Variants in MLLT3 observed in about 807,000 individuals in gnomAD.
The protein encoded by MLLT3 is protein AF-9.
In MLLT3, 4 loss-of-function variants were observed where a neutral mutation model predicts 53.2. The observed-to-expected ratio is 0.08, with a 90% CI of 0.04 to 0.17. The LOEUF (loss-of-function observed/expected upper bound fraction) is 0.17. Among genes scored for constraint, MLLT3 ranks in the 10% least tolerant of loss-of-function variants. MLLT3 has a pLI of 1.00. For synonymous variants in MLLT3, 283 were observed against 230.6 expected, an observed-to-expected ratio of 1.23 and a Z score of -2.06; for missense variants, 569 against 684.0, an observed-to-expected ratio of 0.83 and a Z score of 1.87.
intron 4 of MLLT3, among the ~76,000 whole-genome samples, chr9:20,424,718 C>A (rs1270255109): frequency 2.0e-5 from 3 of 152,088 alleles, no homozygotes; most frequent in Non-Finnish European, 4.4e-5. Context: ...TAACAATAAA[C>A]AATATTCACT....
chr9:20,354,901 G>A, intron 8 of MLLT3, 22 bp from the exon 9 acceptor site: 1 of 1,586,524 alleles, frequency 6.3e-7, no homozygotes, highest in Non-Finnish European at 8.7e-7. Context: ...AGAGAACGCT[G>A]TGTTAAATTT....
intron 2 of MLLT3, among the ~76,000 whole-genome samples, chr9:20,462,701 C>G (rs985781265): frequency 2.0e-5 from 3 of 152,164 alleles, no homozygotes; most frequent in Non-Finnish European, 4.4e-5. Flanking sequence ...CTGCTACCAT[C>G]AAGTCCCATC....
chr9:20,438,873 C>T (rs1823473464), intron 4 of MLLT3, among the ~76,000 whole-genome samples: 1 of 152,128 alleles, frequency 6.6e-6, no homozygotes, highest in African/African-American at 2.4e-5. Context: ...CTTCATTTTA[C>T]TCTAACTGTA....
intron 3 of MLLT3, among the ~76,000 whole-genome samples, chr9:20,452,666 T>TA (rs1823867709): frequency 6.6e-6 from 1 of 152,162 alleles, no homozygotes; most frequent in Non-Finnish European, 1.5e-5. Flanking sequence ...CTAGACCTAT[T>TA]AAATTTTTAC....
At chr9:20,347,449 C>G (rs1207972865) in intron 10 of MLLT3, among the ~76,000 whole-genome samples, 1 of 152,128 alleles carries the variant, frequency 6.6e-6, no homozygotes, top group East Asian at 1.9e-4. Flanking sequence ...CTTGTATTGG[C>G]TCCAACTTTC....
rs751226312 is a variant in MLLT3, at chr9:20,414,288, GCTGCTGCTGCTA to G, written c.546_557del (p.Ser187_Ser190del). 283 of 1,611,628 alleles carry G rather than the reference GCTGCTGCTGCTA, an allele frequency of 1.8e-4. No homozygotes were observed. The highest frequency in any genetic ancestry group is 1.0e-4 in the Admixed American group (6 of 59,848). On this transcript the variant is annotated inframe_deletion, in exon 5 of 11. Coordinates refer to ENST00000380338, the MANE Select transcript of MLLT3 (RefSeq NM_004529.4). ...TTGAAAAACTGGTACTACTGCTGCT[GCTGCTGCTGCTA>G]CTGCTGCTGCTACTGCTGCTGCTGC...
chr9:20,406,115 CAAAAAAGA>C (rs1424480760), intron 5 of MLLT3, among the ~76,000 whole-genome samples: 4 of 150,750 alleles, frequency 2.7e-5, no homozygotes, highest in East Asian at 3.9e-4. Context: ...CCACCTAAAA[CAAAAAAGA>C]AAAAAAGAAA....
At chr9:20,481,591 G>A (rs1293699659) in intron 2 of MLLT3, among the ~76,000 whole-genome samples, 1 of 152,078 alleles carries the variant, frequency 6.6e-6, no homozygotes, top group Non-Finnish European at 1.5e-5. Flanking sequence ...GGAACCTACT[G>A]GGAGTTAGGA....
chr9:20,459,166 A>G (rs185607723), intron 2 of MLLT3, among the ~76,000 whole-genome samples: 2 of 152,306 alleles, frequency 1.3e-5, no homozygotes, highest in Admixed American at 1.3e-4. Flanking sequence ...AATTGGTTAG[A>G]CATTCCACAA....
rs1818628212 is a variant in MLLT3 at position 20,541,486 on chromosome 9, CAG to C, written c.193+79166_193+79167del. Among the ~76,000 whole-genome samples the C allele has an allele frequency of 3.3e-5, 5 of 152,284 alleles. No individual in the cohort carries two copies. In the South Asian group the frequency reaches 1.0e-3, roughly 32 times the overall value. ...GGACTCAGGAAACTTACAATCATGG[CAG>C]AGAGAGAAGCAAGGCACATCTCACA... On this transcript the variant is annotated intron_variant, in intron 2 of 10. Transcript: ENST00000380338.
intron 2 of MLLT3, among the ~76,000 whole-genome samples, chr9:20,571,209 T>C (rs1452514372): frequency 6.6e-6 from 1 of 152,238 alleles, no homozygotes; most frequent in Non-Finnish European, 1.5e-5. Flanking sequence ...AGCTTTTAAC[T>C]TTCCAACAAA....
chr9:20,407,145 C>T (rs1265963125), intron 5 of MLLT3, among the ~76,000 whole-genome samples: 2 of 152,164 alleles, frequency 1.3e-5, no homozygotes, highest in East Asian at 1.9e-4. Context: ...CATGAATTTA[C>T]AAAATGTAAC....
chr9:20,531,855 C>T (rs1389818639), intron 2 of MLLT3, among the ~76,000 whole-genome samples: 2 of 151,974 alleles, frequency 1.3e-5, no homozygotes, highest in Admixed American at 6.6e-5. Context: ...TCTGTGTAAA[C>T]TACTGATTCA....
chr9:20,456,665 G>T (rs780873866), intron 3 of MLLT3, 39 bp downstream of exon 3: 1 of 1,356,468 alleles, frequency 7.4e-7, no homozygotes, highest in South Asian at 1.2e-5. Context: ...GCTAATGGTG[G>T]ATCGTCTACT....
chr9:20,595,554 T>C (rs1820240879), intron 2 of MLLT3, among the ~76,000 whole-genome samples: 1 of 152,134 alleles, frequency 6.6e-6, no homozygotes, highest in Non-Finnish European at 1.5e-5. Context: ...ATAGATCCTG[T>C]ATCTATCATT....
chr9:20,585,985 C>G (rs1351531573), intron 2 of MLLT3, among the ~76,000 whole-genome samples: 7 of 152,134 alleles, frequency 4.6e-5, no homozygotes, highest in Non-Finnish European at 2.9e-5. Flanking sequence ...ATCTTTTCCT[C>G]ACGGGCTGCT....
At chr9:20,379,555 A>C (rs1020638753) in intron 5 of MLLT3, among the ~76,000 whole-genome samples, 5 of 152,080 alleles carry the variant, frequency 3.3e-5, no homozygotes, top group African/African-American at 1.2e-4. Flanking sequence ...ATAACAAAAC[A>C]GTTTGCAATA....
At chr9:20,566,807 T>A (rs1281979901) in intron 2 of MLLT3, among the ~76,000 whole-genome samples, 3 of 152,026 alleles carry the variant, frequency 2.0e-5, no homozygotes, top group Non-Finnish European at 4.4e-5. Context: ...GGAAAAAGGG[T>A]AGAGGGCATC....
chr9:20,589,921 G>C (rs1820084209), intron 2 of MLLT3, among the ~76,000 whole-genome samples: 1 of 152,068 alleles, frequency 6.6e-6, no homozygotes, highest in South Asian at 2.1e-4. Flanking sequence ...ATCTTGGCCA[G>C]GCTGGCCTCG....
Sources: gnomAD v4.1 joint callset for allele counts (sites outside exome capture counted in the v4.1 genomes callset) on GRCh38, gnomAD v4.1.1 for gene constraint, MANE v1.5 for transcripts, NCBI Gene and HGNC (gene_info 2026-07-23, HGNC 2026-07-21) for gene names.